The following KAT6B variants were observed in gnomAD, a reference collection of about 807,000 sequenced individuals.
KAT6B encodes the protein histone acetyltransferase KAT6B.
A neutral mutation model predicts 187.5 loss-of-function variants in KAT6B; 10 were observed. The observed-to-expected ratio is 0.05, with a 90% confidence interval of 0.03 to 0.09. KAT6B has a LOEUF of 0.09. KAT6B is among the 10% of genes least tolerant of loss of function. KAT6B has a pLI of 1.00. For synonymous variants in KAT6B, 861 were observed against 926.8 expected (o/e 0.93, Z 1.29); for missense variants, 1,952 against 2,558.9 (o/e 0.76, Z 5.12).
upstream of KAT6B, chr10:74,825,496 C>CGAGGAGGAGGAGGCG (rs1554909989): frequency 3.3e-5 from 5 of 152,340 alleles, no homozygotes; most frequent in African/African-American, 9.9e-5. The surrounding 1 kb of genome is among the most constrained non-coding windows in gnomAD (Gnocchi z 5.0). Flanking sequence ...AGCCCGGAGC[C>CGAGGAGGAGGAGGCG]GAGGAGGAGG....
chr10:74,831,772 T>A (rs943893602), intron 1 of KAT6B, among the ~76,000 whole-genome samples: 1 of 152,244 alleles, frequency 6.6e-6, no homozygotes, highest in Non-Finnish European at 1.5e-5. Flanking sequence ...TCTCAGTGAT[T>A]CCTCTTAACG....
chr10:74,843,083 A>G lies in KAT6B; in HGVS notation c.226A>G (p.Asn76Asp). The change falls in exon 3 of 18, where the codon AAC becomes GAC. Residue 76 changes from asparagine to aspartate, a missense_variant. Physicochemically the swap from Asn to Asp is conservative, Grantham distance 23. Transcript: ENST00000287239. ...CCTTGCCTCCTATAAGGACCCAGAC[A>G]ACCCTGGGCGCTTTTCATCAGTTAA... ...KGLASYKDPD[N>D]PGRFSSVKPG... 6.2e-7 allele frequency: 1 copy of G among 1,614,166 alleles called. No homozygotes were observed. Among genetic ancestry groups the G allele is most frequent in the Non-Finnish European group, 8.5e-7 (1 of 1,180,022 alleles).
chr10:74,968,327 G>A (rs1841615413), intron 4 of KAT6B, among the ~76,000 whole-genome samples: 1 of 151,972 alleles, frequency 6.6e-6, no homozygotes, highest in Admixed American at 6.6e-5. Flanking sequence ...CCTGCCTGAG[G>A]TCATAATCCT....
chr10:74,843,910 G>T (rs1841924798), intron 3 of KAT6B, among the ~76,000 whole-genome samples: 1 of 152,198 alleles, frequency 6.6e-6, no homozygotes, highest in South Asian at 2.1e-4. Context: ...ATCTAGCTCT[G>T]TCGCCTAGGC....
At chr10:74,875,016 A>G (rs1352451343) in intron 3 of KAT6B, among the ~76,000 whole-genome samples, 1 of 152,108 alleles carries the variant, frequency 6.6e-6, no homozygotes, top group African/African-American at 2.4e-5. Context: ...ACACATTGTA[A>G]TTGCACAGCC....
At chr10:74,991,999 G>T (rs1589767981) in intron 13 of KAT6B, among the ~76,000 whole-genome samples, 1 of 152,178 alleles carries the variant, frequency 6.6e-6, no homozygotes, top group African/African-American at 2.4e-5. Flanking sequence ...GATCATTTTT[G>T]ATCTCATAAT....
chr10:75,022,374 A>G (rs1845498038), intron 16 of KAT6B, 143 bp downstream of exon 16: 1 of 961,154 alleles, frequency 1.0e-6, no homozygotes, highest in Admixed American at 1.8e-5. Context: ...ATCATATATC[A>G]TAATCGTTTA....
chr10:74,967,524 A>C (rs77615671), intron 4 of KAT6B, among the ~76,000 whole-genome samples: 9,622 of 152,268 alleles, frequency 0.063, 348 homozygotes, highest in Middle Eastern at 0.11. Context: ...TAAAATGGAA[A>C]TATTTCTTCA....
At chr10:74,980,063 G>T (rs1419199951) in intron 10 of KAT6B, among the ~76,000 whole-genome samples, 2 of 152,202 alleles carry the variant, frequency 1.3e-5, no homozygotes, top group African/African-American at 4.8e-5. Flanking sequence ...GGAGGCTGAG[G>T]CAGGAGAATC....
intron 3 of KAT6B, among the ~76,000 whole-genome samples, chr10:74,852,936 T>C (rs1018196617): frequency 6.6e-6 from 1 of 152,192 alleles, no homozygotes; most frequent in Non-Finnish European, 1.5e-5. Context: ...TTTGAAGTTA[T>C]TTAACAGTTA....
chr10:74,981,883 T>G lies in KAT6B; in HGVS notation c.2328T>G (p.Pro776=), dbSNP rs777090798. 2 of 1,613,324 alleles carry G rather than the reference T, an allele frequency of 1.2e-6. No homozygotes were observed. The highest frequency in any genetic ancestry group is 1.7e-6 in the Non-Finnish European group (2 of 1,179,312). The change falls in exon 11 of 18, where the codon CCT becomes CCG. Residue 776 remains proline, a synonymous_variant. Transcript: ENST00000287239. Reference sequence around the variant, plus strand: ...CCAAGAAGTGTGGATGGTTTCATCCTCCAGCAAATGAAATTTACCGAAGGA... The same window carrying G: ...CCAAGAAGTGTGGATGGTTTCATCCGCCAGCAAATGAAATTTACCGAAGGA... ...RHSKKCGWFH[P]PANEIYRRKD...
At chr10:74,915,714 T>G (rs935976852) in intron 3 of KAT6B, among the ~76,000 whole-genome samples, 1 of 152,232 alleles carries the variant, frequency 6.6e-6, no homozygotes, top group Non-Finnish European at 1.5e-5. Context: ...AAGTATCTAG[T>G]TACCTTTGTC....
chr10:74,936,762 A>G (rs1027450647), intron 3 of KAT6B, among the ~76,000 whole-genome samples: 2 of 152,216 alleles, frequency 1.3e-5, no homozygotes, highest in African/African-American at 4.8e-5. Context: ...AGAGGTTGCC[A>G]CTTCCATGGG....
chr10:74,953,572 T>C (rs897191230), intron 3 of KAT6B, among the ~76,000 whole-genome samples: 2 of 152,202 alleles, frequency 1.3e-5, no homozygotes, highest in Non-Finnish European at 2.9e-5. Flanking sequence ...TGAACTGTTT[T>C]GTTTTTAACA....
intron 13 of KAT6B, among the ~76,000 whole-genome samples, chr10:75,010,375 AACTG>A (rs1467859027): frequency 6.6e-6 from 1 of 152,232 alleles, no homozygotes; most frequent in Non-Finnish European, 1.5e-5. Flanking sequence ...TTATCTCCAA[AACTG>A]ACAGATTCCT....
chr10:74,969,800 C>T (rs368750565), intron 5 of KAT6B, 25 bp downstream of exon 5: 541 of 1,462,178 alleles, frequency 3.7e-4, no homozygotes, highest in Non-Finnish European at 3.5e-4. Flanking sequence ...CGTAATCCGC[C>T]TCCAGGTAAC....
intron 3 of KAT6B, among the ~76,000 whole-genome samples, chr10:74,875,566 C>T (rs1589526039): frequency 1.3e-5 from 2 of 151,012 alleles, no homozygotes; most frequent in African/African-American, 2.4e-5. Context: ...CTTGGGTTCA[C>T]GAGATTCTCC....
chr10:74,845,831 C>T (rs1325384351), intron 3 of KAT6B, among the ~76,000 whole-genome samples: 1 of 147,722 alleles, frequency 6.8e-6, no homozygotes, highest in African/African-American at 2.5e-5. Flanking sequence ...TCAGATCAGC[C>T]CATGGAAAGG....
intron 3 of KAT6B, among the ~76,000 whole-genome samples, chr10:74,893,506 G>C (rs2132665545): frequency 6.7e-6 from 1 of 148,354 alleles, no homozygotes; most frequent in East Asian, 2.0e-4. Context: ...TTTCGTTCTT[G>C]TTGCCTAGGC....
Sources: allele counts gnomAD v4.1 joint callset (sites outside exome capture counted in the v4.1 genomes callset), GRCh38; gene constraint gnomAD v4.1.1; non-coding constraint Gnocchi (gnomAD v3.1); transcripts MANE v1.5; gene names NCBI Gene and HGNC (gene_info 2026-07-23, HGNC 2026-07-21).